TTLL10: variants seen among roughly 807,000 people sequenced by gnomAD.
TTLL10 encodes the protein tubulin tyrosine ligase like 10.
TTLL10 carries 61 observed loss-of-function variants against 69.0 expected under a neutral mutation model. The observed-to-expected ratio is 0.88, with a 90% confidence interval of 0.72 to 1.09. TTLL10 has a LOEUF of 1.09. Among genes scored for constraint, TTLL10 ranks in the 50% least tolerant of loss-of-function variants. The pLI is 0.00. For synonymous variants in TTLL10, 408 were observed against 393.3 expected, an observed-to-expected ratio of 1.04 and a Z score of -0.44; for missense variants, 962 against 945.9, an observed-to-expected ratio of 1.02 and a Z score of -0.22.
At chr1:1,192,997 T>A (rs1647936805) in intron 13 of TTLL10, among the ~76,000 whole-genome samples, 1 of 152,278 alleles carries the variant, frequency 6.6e-6, no homozygotes, top group South Asian at 2.1e-4. Flanking sequence ...CAATGTCTAT[T>A]AATTGGAAAG....
chr1:1,195,499 A>ATTTTTTTTTTT (rs1648132418), intron 13 of TTLL10, among the ~76,000 whole-genome samples: 1 of 79,968 alleles, frequency 1.3e-5, no homozygotes, highest in Non-Finnish European at 2.2e-5. Context: ...TCATCGTCAT[A>ATTTTTTTTTTT]CTTTTTTTTT....
intron 3 of TTLL10, among the ~76,000 whole-genome samples, chr1:1,177,053 T>G (rs1646891363): frequency 2.0e-5 from 3 of 146,784 alleles, no homozygotes; most frequent in Non-Finnish European, 4.4e-5. Context: ...TCTGTGTGTG[T>G]GGGTGTCTGT....
intron 4 of TTLL10, 23 bp downstream of exon 4, chr1:1,179,356 GC>G: frequency 6.5e-7 from 1 of 1,545,832 alleles, no homozygotes; most frequent in Non-Finnish European, 8.8e-7. Flanking sequence ...GCCCTGGGTG[GC>G]CTCCTACCTC....
chr1:1,175,615 C>A, intron 3 of TTLL10: 1 of 435,078 alleles, frequency 2.3e-6, no homozygotes. Context: ...CCTCCCGTCA[C>A]CCCCACAGTC....
At position 1,197,582 on chromosome 1, in the gene TTLL10, C is replaced by T. The variant is rs1352733913; in HGVS notation, c.1757C>T (p.Pro586Leu). ...GGCTCGTGCAGCCTCCGCCGCTGGC[C>T]GCCCCTGCCCACCCGCCAGGCCAAG... ...LGGSCSLRRWPPLPTRQAKSS... is the reference protein window; with the variant it reads ...LGGSCSLRRWLPLPTRQAKSS... The change falls in exon 16 of 16, where the codon CCG (proline) becomes CTG (leucine). Residue 586 changes from proline (P) to leucine (L), a missense_variant. Coordinates refer to ENST00000379289, the MANE Select transcript of TTLL10 (RefSeq NM_001130045.2). 3.3e-6 allele frequency: 5 copies of T among 1,512,878 alleles called. No homozygotes were observed. The highest frequency in any genetic ancestry group is 2.8e-5 in the African/African-American group (2 of 71,230). 93.7% of individuals were successfully genotyped at this position (1,512,878 alleles called of 1,614,324 possible). A position where few individuals can be genotyped will look rare whatever the true frequency, so the allele number is the denominator to read the frequency against.
chr1:1,179,261 A>T lies in TTLL10; in HGVS notation c.46A>T (p.Thr16Ser), dbSNP rs994316672. 1.9e-6 allele frequency: 3 copies of T among 1,550,432 alleles called. No individual in the cohort carries two copies. The highest frequency in any genetic ancestry group is 2.7e-5 in the African/African-American group (2 of 72,976). The change falls in exon 4 of 16, where the codon ACT becomes TCT. Residue 16 changes from threonine (T) to serine (S), a missense_variant. Physicochemically the swap from Thr to Ser is moderately conservative, Grantham distance 58. Coordinates refer to ENST00000379289, the MANE Select transcript of TTLL10 (RefSeq NM_001130045.2). ...GTTCATCCACCGCCGGGGACCACCC[A>T]CTCGGACCCGAGCCGGCTTCAAGAG... The part of the protein sequence containing the change: ...TRFIHRRGPP[T>S]RTRAGFKRGK...
chr1:1,190,380 T>C (rs370202587), intron 13 of TTLL10, among the ~76,000 whole-genome samples: 51 of 152,020 alleles, frequency 3.4e-4, no homozygotes, highest in Admixed American at 1.9e-3. Flanking sequence ...TCTATCTTTA[T>C]TATTTCCTTC....
intron 3 of TTLL10, chr1:1,176,231 T>C (rs894688440): frequency 2.0e-5 from 9 of 439,784 alleles, no homozygotes; most frequent in Admixed American, 2.0e-4. Context: ...GCTGTGCAGG[T>C]GGAGAGAGGC....
intron 3 of TTLL10, among the ~76,000 whole-genome samples, chr1:1,176,551 G>A (rs1646878061): frequency 1.3e-5 from 2 of 151,966 alleles, no homozygotes; most frequent in Admixed American, 1.3e-4. Context: ...TCCACACCTG[G>A]TAGGCCAGGT....
In TTLL10 at chr1:1,173,935, C is replaced by G. The variant is rs5010605; in HGVS notation, c.-131+9C>G. The G allele has an allele frequency of 0.12, 18,403 of 152,284 alleles. 1,543 individuals carry two copies. The highest frequency in any genetic ancestry group is 0.24 in the African/African-American group (9,795 of 41,504). 9.4% of individuals were successfully genotyped at this position (152,284 alleles called of 1,614,324 possible). On this transcript the variant is annotated intron_variant, in intron 1 of 15. Coordinates refer to ENST00000379289, the MANE Select transcript of TTLL10 (RefSeq NM_001130045.2). The surrounding 1 kb of genome is among the most constrained non-coding windows in gnomAD (Gnocchi z 4.1). ...CCTTGTGGGCTGGGCAGGTAAGAAG[C>G]GCCGGCGGCCACCAGCTGGGGTCCA...
chr1:1,190,701 T>G (rs1647707843), intron 13 of TTLL10, among the ~76,000 whole-genome samples: 1 of 152,104 alleles, frequency 6.6e-6, no homozygotes, highest in Non-Finnish European at 1.5e-5. Context: ...ATGATTTCAG[T>G]TTTTTCTTCT....
intron 3 of TTLL10, chr1:1,176,466 CTG>C: frequency 2.2e-6 from 1 of 450,354 alleles, no homozygotes; most frequent in South Asian, 1.6e-5. Context: ...CAGCTCACTC[CTG>C]TGAGAGTCTT....
At chr1:1,196,771 A>T (rs1648243853) in intron 14 of TTLL10, 55 bp downstream of exon 14, 1 of 1,255,104 alleles carries the variant, frequency 8.0e-7, no homozygotes, top group African/African-American at 1.5e-5. Context: ...GGCAGGGGCC[A>T]TCTGTACACC....
chr1:1,177,812 G>A (rs989795468), intron 3 of TTLL10, among the ~76,000 whole-genome samples: 3 of 152,330 alleles, frequency 2.0e-5, no homozygotes, highest in East Asian at 3.9e-4. Context: ...CCGTGCCTGC[G>A]CAGGGTCCAG....
rs551319901 is a variant in TTLL10 at position 1,185,341 on chromosome 1, G to C, written c.1401+232G>C. 6.6e-6 allele frequency: 9 copies of C among 1,373,736 alleles called. No individual in the cohort carries two copies. In the South Asian group the frequency reaches 1.3e-4, roughly 19 times the overall value. The allele number at this position is 1,373,736 out of a possible 1,614,324, so 85.1% of individuals were successfully genotyped here. On this transcript the variant is annotated intron_variant, in intron 13 of 15. Transcript: ENST00000379289. This position sits in a 1 kb window ranked among gnomAD's most constrained non-coding sequence, Gnocchi z 6.1. ...CGGAAAGCCCAGTCGGGGGTCTGTC[G>C]GCACGAGTCCCGCGGGCAGCCTCGC... is the stretch of plus-strand genomic sequence containing the variant.
chr1:1,175,576 C>A, intron 3 of TTLL10: 2 of 398,420 alleles, frequency 5.0e-6, no homozygotes, highest in Non-Finnish European at 5.0e-6. Context: ...TGTGTTCCCG[C>A]CTATCCTGAG....
At position 1,196,623 on chromosome 1, in the gene TTLL10, C is replaced by G. The variant is rs1462519284; in HGVS notation, c.1425C>G (p.Ala475=). The G allele has an allele frequency of 3.2e-6, 5 of 1,551,736 alleles. No individual in the cohort carries two copies. In the East Asian group the frequency reaches 1.2e-4, roughly 38 times the overall value. The change falls in exon 14 of 16, where the codon GCC becomes GCG. Residue 475 remains alanine, a synonymous_variant. Coordinates refer to ENST00000379289, the MANE Select transcript of TTLL10 (RefSeq NM_001130045.2). The stretch of plus-strand genomic sequence containing the variant: ...AGAAGCGGATGCAGCAGATCATGGC[C>G]CACTGCTTTCTGGCCGCCAAGCCCA... ...TLKKRMQQIM[A]HCFLAAKPKL...
chr1:1,184,732 C>T (rs563818243), intron 12 of TTLL10, among the ~76,000 whole-genome samples: 31 of 140,784 alleles, frequency 2.2e-4, no homozygotes, highest in African/African-American at 8.0e-4. Context: ...GAGCCAGTCT[C>T]CAGGCACCGT....
intron 3 of TTLL10, among the ~76,000 whole-genome samples, chr1:1,176,908 C>G (rs1257974703): frequency 2.0e-5 from 3 of 152,222 alleles, no homozygotes; most frequent in Non-Finnish European, 4.4e-5. Context: ...GCACGCGGCT[C>G]TCTGAGGGGT....
Sources: allele counts gnomAD v4.1 joint callset (sites outside exome capture counted in the v4.1 genomes callset), GRCh38; gene constraint gnomAD v4.1.1; non-coding constraint Gnocchi (gnomAD v3.1); transcripts MANE v1.5; gene names NCBI Gene and HGNC (gene_info 2026-07-23, HGNC 2026-07-21).